OR51E2: variants seen among roughly 807,000 people sequenced by gnomAD.
The protein encoded by OR51E2 is olfactory receptor family 51 subfamily E member 2.
In OR51E2, 14 loss-of-function variants were observed where a neutral mutation model predicts 13.7. That is an observed-to-expected ratio of 1.02 (90% CI 0.68 to 1.60). The LOEUF (loss-of-function observed/expected upper bound fraction) is 1.60, where lower values mean the gene tolerates loss of function less well. OR51E2 is among the 40% of genes most tolerant of loss of function. The pLI is 0.00. For synonymous variants in OR51E2, 180 were observed against 157.6 expected (o/e 1.14, Z -1.07); for missense variants, 483 against 413.8 (o/e 1.17, Z -1.45).
At chr11:4,696,626 C>T (rs1034085071) in intron 1 of OR51E2, among the ~76,000 whole-genome samples, 1 of 152,126 alleles carries the variant, frequency 6.6e-6, no homozygotes, top group Non-Finnish European at 1.5e-5. Flanking sequence ...CTAAATTTCC[C>T]CCAAGCTTCT....
At position 4,680,664 on chromosome 11, in the gene OR51E2, A is replaced by G. The variant is rs189975010; in HGVS notation, c.*1085T>C. The stretch of plus-strand genomic sequence containing the variant: ...CTTATAATAAAGAGACACAAATGGT[A>G]CCTACTCCATAAAGTTACGAAGAAC... On this transcript the variant is annotated 3_prime_UTR_variant, in exon 2 of 2. Coordinates refer to ENST00000396950, the MANE Select transcript of OR51E2 (RefSeq NM_030774.4). 6.5e-6 allele frequency: 1 copy of G among 152,778 alleles called. No individual in the cohort carries two copies. Among genetic ancestry groups the G allele is most frequent in the Admixed American group, 6.5e-5 (1 of 15,310 alleles). 9.5% of individuals were successfully genotyped at this position (152,778 alleles called of 1,614,324 possible).
chr11:4,683,757 T>A (rs971758960), intron 1 of OR51E2, among the ~76,000 whole-genome samples: 3 of 152,188 alleles, frequency 2.0e-5, no homozygotes, highest in African/African-American at 7.2e-5. Flanking sequence ...CAGTGTTGCT[T>A]TGCCCCAACT....
Position 4,681,409 on chromosome 11 carries a change from A to G in OR51E2, c.*340T>C. Reference sequence around the variant, plus strand: ...ATAATAAAAAAAAAAGAAAGAAAAAAGAGAGAGAAAGTAGGGACAACACTA... The same window carrying G: ...ATAATAAAAAAAAAAGAAAGAAAAAGGAGAGAGAAAGTAGGGACAACACTA... On this transcript the variant is annotated 3_prime_UTR_variant, in exon 2 of 2. Transcript: ENST00000396950. 1 of 233,736 alleles carries G rather than the reference A, an allele frequency of 4.3e-6. No homozygotes were observed. Among genetic ancestry groups the G allele is most frequent in the Non-Finnish European group, 8.3e-6 (1 of 119,874 alleles). 14.5% of individuals were successfully genotyped at this position (233,736 alleles called of 1,614,324 possible).
At chr11:4,692,634 C>G (rs968871812) in intron 1 of OR51E2, among the ~76,000 whole-genome samples, 11 of 151,784 alleles carry the variant, frequency 7.2e-5, no homozygotes, top group Non-Finnish European at 1.5e-5. Flanking sequence ...AGACGGGGGT[C>G]TAGGGAAAAA....
At position 4,681,970 on chromosome 11, in the gene OR51E2, G is replaced by A. The variant is rs768977910; in HGVS notation, c.742C>T (p.Leu248Phe). ...CCAATAAGTGGCACATAGAAGGCGAGTACCACACCAATGTGTGACACACAG... is the reference window on the plus strand; with the variant it reads ...CCAATAAGTGGCACATAGAAGGCGAATACCACACCAATGTGTGACACACAG... ...GTCVSHIGVV[L>F]AFYVPLIGLS... Residue 248 changes from leucine (L) to phenylalanine (F), a missense_variant, in exon 2 of 2, where the codon CTC (leucine) becomes TTC (phenylalanine). Leu to Phe is a conservative substitution (Grantham distance 22, BLOSUM62 0). Transcript: ENST00000396950. 3 of 1,614,132 alleles carry A rather than the reference G, an allele frequency of 1.9e-6. No individual in the cohort carries two copies. The highest frequency in any genetic ancestry group is 1.3e-5 in the African/African-American group (1 of 75,050).
chr11:4,696,353 CCA>C (rs879333847), intron 1 of OR51E2, among the ~76,000 whole-genome samples: 8 of 151,254 alleles, frequency 5.3e-5, no homozygotes, highest in Non-Finnish European at 7.4e-5. Flanking sequence ...TTACTACCCA[CCA>C]CACACACACA....
chr11:4,692,794 A>G (rs1003852664), intron 1 of OR51E2, among the ~76,000 whole-genome samples: 3 of 151,364 alleles, frequency 2.0e-5, no homozygotes, highest in Admixed American at 1.3e-4. Context: ...ACGTATCCAG[A>G]CTCACACATT....
Position 4,682,563 on chromosome 11 carries a change from G to C in OR51E2, c.149C>G (p.Thr50Arg). The change falls in exon 2 of 2, where the codon ACG (threonine) becomes AGG (arginine). Residue 50 changes from threonine (T) to arginine (R), a missense_variant. Thr to Arg is a moderately conservative substitution (Grantham distance 71). Transcript: ENST00000396950. ...GNCIVVFIVR[T>R]ERSLHAPMYL... The stretch of plus-strand genomic sequence containing the variant: ...CATCGGAGCGTGCAGGCTGCGTTCC[G>C]TCCTTACGATGAAGACCACGATGCA... 1 of 1,614,100 alleles carries C rather than the reference G, an allele frequency of 6.2e-7. No individual in the cohort carries two copies. Among genetic ancestry groups the C allele is most frequent in the Non-Finnish European group, 8.5e-7 (1 of 1,180,004 alleles).
chr11:4,688,626 T>G (rs1847542138), intron 1 of OR51E2, among the ~76,000 whole-genome samples: 2 of 152,182 alleles, frequency 1.3e-5, no homozygotes, highest in Non-Finnish European at 2.9e-5. Flanking sequence ...CAGTCTAACT[T>G]CACTGTGGGG....
intron 1 of OR51E2, among the ~76,000 whole-genome samples, chr11:4,694,475 CATATATATACGTGTATAT>C (rs147875953): frequency 0.028 from 4,193 of 150,596 alleles, 173 homozygotes; most frequent in East Asian, 0.22. Flanking sequence ...CTAAACTATA[CATATATATACGTGTATAT>C]ATATATATAC....
intron 1 of OR51E2, chr11:4,691,308 AG>A (rs1395710793): frequency 2.2e-6 from 1 of 457,362 alleles, no homozygotes; most frequent in Non-Finnish European, 4.4e-6. Context: ...GGCATACCTA[AG>A]GGGATTAGAG....
At chr11:4,683,132 C>A (rs1285174673) in intron 1 of OR51E2, among the ~76,000 whole-genome samples, 1 of 152,108 alleles carries the variant, frequency 6.6e-6, no homozygotes, top group Non-Finnish European at 1.5e-5. Flanking sequence ...TCCCTGCTTC[C>A]CTCCCCCCAC....
At position 4,680,764 on chromosome 11, in the gene OR51E2, A is replaced by G. The variant is rs1380205133; in HGVS notation, c.*985T>C. 1 of 152,350 alleles carries G rather than the reference A, an allele frequency of 6.6e-6. No individual in the cohort carries two copies. The highest frequency in any genetic ancestry group is 1.5e-5 in the Non-Finnish European group (1 of 68,034). 9.4% of individuals were successfully genotyped at this position (152,350 alleles called of 1,614,324 possible). On this transcript the variant is annotated 3_prime_UTR_variant, in exon 2 of 2. Coordinates refer to ENST00000396950, the MANE Select transcript of OR51E2 (RefSeq NM_030774.4). ...ACATGAGATGTTCATTGGCATTATT[A>G]TTAAGGGCTTATATAAATTCCCAGG...
intron 1 of OR51E2, among the ~76,000 whole-genome samples, chr11:4,684,398 A>T (rs1847492263): frequency 6.6e-6 from 1 of 151,710 alleles, no homozygotes; most frequent in African/African-American, 2.4e-5. Context: ...AGCTTGGGGA[A>T]GGGGATATAG....
At chr11:4,687,619 T>C (rs919382477) in intron 1 of OR51E2, among the ~76,000 whole-genome samples, 1 of 152,144 alleles carries the variant, frequency 6.6e-6, no homozygotes, top group Non-Finnish European at 1.5e-5. Flanking sequence ...ATTAATTCAA[T>C]GAAGAGTAAA....
chr11:4,682,315 C>A lies in OR51E2; in HGVS notation c.397G>T (p.Ala133Ser). 6.2e-7 allele frequency: 1 copy of A among 1,614,170 alleles called. No individual in the cohort carries two copies. The highest frequency in any genetic ancestry group is 8.5e-7 in the Non-Finnish European group (1 of 1,180,032). Residue 133 changes from alanine to serine, a missense_variant, in exon 2 of 2, where the codon GCA becomes TCA. Coordinates refer to ENST00000396950, the MANE Select transcript of OR51E2 (RefSeq NM_030774.4). Reference protein sequence around the residue: ...VAICHPLRHAAVLNNTVTAQI... With the variant: ...VAICHPLRHASVLNNTVTAQI... The stretch of plus-strand genomic sequence containing the variant: ...GCTGTTACTGTATTGTTGAGCACTG[C>A]AGCATGGCGCAGTGGGTGGCAGATG...
intron 1 of OR51E2, among the ~76,000 whole-genome samples, chr11:4,687,524 T>C (rs1000739172): frequency 6.6e-6 from 1 of 152,240 alleles, no homozygotes; most frequent in East Asian, 1.9e-4. Flanking sequence ...TATTTGTAGA[T>C]ATGAAGAACT....
chr11:4,683,523 G>A (rs1847482097), intron 1 of OR51E2, among the ~76,000 whole-genome samples: 1 of 152,178 alleles, frequency 6.6e-6, no homozygotes, highest in South Asian at 2.1e-4. Context: ...TCCCTCCGAT[G>A]ACTTCTTCAG....
At chr11:4,697,282 A>G (rs1847666519) in intron 1 of OR51E2, among the ~76,000 whole-genome samples, 1 of 152,210 alleles carries the variant, frequency 6.6e-6, no homozygotes, top group Admixed American at 6.5e-5. Flanking sequence ...CCTCATCTAT[A>G]AGACAGGATA....
Sources: allele counts gnomAD v4.1 joint callset (sites outside exome capture counted in the v4.1 genomes callset), GRCh38; gene constraint gnomAD v4.1.1; transcripts MANE v1.5; gene names NCBI Gene and HGNC (gene_info 2026-07-23, HGNC 2026-07-21).